The following ILDR1 variants were observed in gnomAD, a reference collection of about 807,000 sequenced individuals.
ILDR1 encodes the protein immunoglobulin-like domain-containing receptor 1.
ILDR1 carries 56 observed loss-of-function variants against 62.4 expected under a neutral mutation model. The observed-to-expected ratio is 0.90, with a 90% CI of 0.72 to 1.12. ILDR1 has a LOEUF of 1.12. ILDR1 is among the 50% of genes most tolerant of loss of function. The pLI is 0.00. For missense variants in ILDR1, 736 were observed against 710.6 expected (o/e 1.04, Z -0.41); for synonymous variants, 284 against 277.8 (o/e 1.02, Z -0.22).
chr3:122,038,809 A>G, the ILDR1 span, among the ~76,000 whole-genome samples: 4 of 152,212 alleles, frequency 2.6e-5, no homozygotes, highest in Admixed American at 2.0e-4. Flanking sequence ...GAGAGAATCA[A>G]TAGAAATGCT....
intron 1 of ILDR1, among the ~76,000 whole-genome samples, chr3:122,008,543 G>A (rs1169706154): frequency 2.0e-5 from 3 of 151,884 alleles, no homozygotes. Context: ...CTTGGGTGAG[G>A]CCCAGAGACA....
intron 7 of ILDR1, among the ~76,000 whole-genome samples, chr3:121,990,927 C>G (rs1462336350): frequency 2.0e-5 from 3 of 152,180 alleles, no homozygotes; most frequent in African/African-American, 7.2e-5. Flanking sequence ...GGAGGCCAGG[C>G]ACAGTGGCTC....
rs778320546 is a variant in ILDR1, at chr3:121,988,275, C to T, written c.*92G>A. On this transcript the variant is annotated 3_prime_UTR_variant, in exon 8 of 8. Coordinates refer to ENST00000344209, the MANE Select transcript of ILDR1 (RefSeq NM_001199799.2). ...TAAGCCAAAAACTGTTAGACTCAGA[C>T]TTGCAGTTCCCAAGTCAGCTGGAAA... 7.8e-6 allele frequency: 8 copies of T among 1,031,068 alleles called. No individual in the cohort carries two copies. The South Asian group carries it at 8.9e-5, about 11-fold the overall frequency. 63.9% of individuals were successfully genotyped at this position (1,031,068 alleles called of 1,614,324 possible).
At chr3:122,029,880 G>A in the ILDR1 span, among the ~76,000 whole-genome samples, 1 of 152,146 alleles carries the variant, frequency 6.6e-6, no homozygotes, top group African/African-American at 2.4e-5. Flanking sequence ...GTTCAAGTGT[G>A]TTTTTAATCT....
At chr3:122,051,201 A>G in the ILDR1 span, among the ~76,000 whole-genome samples, 1 of 152,096 alleles carries the variant, frequency 6.6e-6, no homozygotes, top group Non-Finnish European at 1.5e-5. Context: ...TTCAGCCATT[A>G]TTTCTTTAAA....
At chr3:122,019,136 T>C (rs1010807941) in intron 1 of ILDR1, among the ~76,000 whole-genome samples, 1 of 152,184 alleles carries the variant, frequency 6.6e-6, no homozygotes, top group Non-Finnish European at 1.5e-5. Flanking sequence ...TAAACTTTCA[T>C]TCTGAGAATA....
chr3:122,021,392 G>C (rs1005024590), intron 1 of ILDR1, among the ~76,000 whole-genome samples: 3 of 152,208 alleles, frequency 2.0e-5, no homozygotes, highest in African/African-American at 7.2e-5. Context: ...CCAAAACAGA[G>C]AGGAGATTGG....
At chr3:122,034,908 T>C in the ILDR1 span, among the ~76,000 whole-genome samples, 5 of 152,180 alleles carry the variant, frequency 3.3e-5, no homozygotes, top group Non-Finnish European at 7.3e-5. Context: ...TTCACTGTCA[T>C]GAGAACAGGA....
chr3:122,047,762 C>G, the ILDR1 span, among the ~76,000 whole-genome samples: 1 of 152,252 alleles, frequency 6.6e-6, no homozygotes, highest in Non-Finnish European at 1.5e-5. Flanking sequence ...ATGCCTCGCC[C>G]TGCTTCGGCT....
intron 1 of ILDR1, among the ~76,000 whole-genome samples, chr3:122,015,723 T>C (rs753613915): frequency 6.6e-6 from 1 of 152,232 alleles, no homozygotes; most frequent in Non-Finnish European, 1.5e-5. Flanking sequence ...TTATGCAATC[T>C]CAGGCAGTTC....
chr3:122,049,357 A>T, the ILDR1 span, among the ~76,000 whole-genome samples: 1 of 152,220 alleles, frequency 6.6e-6, no homozygotes, highest in African/African-American at 2.4e-5. Flanking sequence ...TTCTGCTATT[A>T]GGTAGAATGT....
the ILDR1 span, among the ~76,000 whole-genome samples, chr3:122,036,141 C>A: frequency 8.3e-4 from 126 of 152,308 alleles, 1 homozygote; most frequent in Middle Eastern, 3.4e-3. Context: ...CCCTAAAGAT[C>A]TGTGAAATTT....
At chr3:122,001,979 A>G in intron 3 of ILDR1, 115 bp from the exon 4 acceptor site, 1 of 1,234,938 alleles carries the variant, frequency 8.1e-7, no homozygotes, top group Non-Finnish European at 1.1e-6. Flanking sequence ...ACAAAAAATA[A>G]TAAAAAAAAA....
At chr3:122,033,525 C>T in the ILDR1 span, among the ~76,000 whole-genome samples, 1 of 151,596 alleles carries the variant, frequency 6.6e-6, no homozygotes, top group South Asian at 2.1e-4. Context: ...CAATCTTTTC[C>T]TTTAAAGTCC....
intron 3 of ILDR1, among the ~76,000 whole-genome samples, chr3:122,003,846 T>C (rs558858986): frequency 8.5e-5 from 13 of 152,252 alleles, no homozygotes; most frequent in African/African-American, 3.1e-4. Context: ...TCAGAAACTG[T>C]TCAGGTAATT....
At chr3:122,050,257 T>G in the ILDR1 span, among the ~76,000 whole-genome samples, 1 of 152,214 alleles carries the variant, frequency 6.6e-6, no homozygotes. Context: ...CCATTTATAT[T>G]TAAAGTAATT....
In ILDR1 at chr3:121,993,696, C is replaced by T; in HGVS notation, c.1053G>A (p.Gln351=). The stretch of plus-strand genomic sequence containing the variant: ...TGGAGGGAATTGGGGTGAGCCACTG[C>T]TGGTGCAGGGAGTCACTGGTCCTCC... ...SSRRTSDSLH[Q]QWLTPIPSRP... is the part of the protein sequence containing the mutation. Residue 351 remains glutamine (Q), a synonymous_variant, in exon 7 of 8, where the codon CAG becomes CAA. Coordinates refer to ENST00000344209, the MANE Select transcript of ILDR1 (RefSeq NM_001199799.2). 6.2e-7 allele frequency: 1 copy of T among 1,614,144 alleles called. No homozygotes were observed. The highest frequency in any genetic ancestry group is 8.5e-7 in the Non-Finnish European group (1 of 1,179,996).
chr3:122,017,100 T>G (rs1295345601), intron 1 of ILDR1, among the ~76,000 whole-genome samples: 1 of 151,914 alleles, frequency 6.6e-6, no homozygotes, highest in Non-Finnish European at 1.5e-5. Context: ...CAGGCTGGAG[T>G]GAAATGGCGC....
At chr3:121,992,293 C>T (rs1576713347) in intron 7 of ILDR1, among the ~76,000 whole-genome samples, 1 of 152,192 alleles carries the variant, frequency 6.6e-6, no homozygotes, top group Non-Finnish European at 1.5e-5. Flanking sequence ...CCCGCCACCA[C>T]ACCCAGCTAA....
Sources: gnomAD v4.1 joint callset for allele counts (sites outside exome capture counted in the v4.1 genomes callset) on GRCh38, gnomAD v4.1.1 for gene constraint, MANE v1.5 for transcripts, NCBI Gene and HGNC (gene_info 2026-07-23, HGNC 2026-07-21) for gene names.